The following ZC3H18 variants were observed in gnomAD, a reference collection of about 807,000 sequenced individuals.
The protein encoded by ZC3H18 is zinc finger CCCH domain-containing protein 18.
A neutral mutation model predicts 106.1 loss-of-function variants in ZC3H18; 8 were observed. The observed-to-expected ratio is 0.08, with a 90% confidence interval of 0.04 to 0.14. The LOEUF (loss-of-function observed/expected upper bound fraction) is 0.14. Among genes scored for constraint, ZC3H18 ranks in the 10% least tolerant of loss-of-function variants. The pLI is 1.00. For synonymous variants in ZC3H18, 635 were observed against 522.1 expected, an observed-to-expected ratio of 1.22 and a Z score of -2.95; for missense variants, 1,318 against 1,278.4, an observed-to-expected ratio of 1.03 and a Z score of -0.47.
intron 3 of ZC3H18, among the ~76,000 whole-genome samples, chr16:88,589,170 T>G (rs1404836212): frequency 6.6e-6 from 1 of 152,146 alleles, no homozygotes; most frequent in Non-Finnish European, 1.5e-5. Flanking sequence ...CAAAATGAAG[T>G]TTGTTGTGTT....
chr16:88,614,988 A>C (rs1250225119), intron 8 of ZC3H18, among the ~76,000 whole-genome samples: 1 of 140,728 alleles, frequency 7.1e-6, no homozygotes, highest in African/African-American at 2.7e-5. Context: ...CTCTGCCCAG[A>C]TGGGCTGCCC....
intron 2 of ZC3H18, 42 bp downstream of exon 2, chr16:88,577,768 G>T (rs200026022): frequency 5.1e-5 from 83 of 1,611,806 alleles, no homozygotes; most frequent in Non-Finnish European, 6.9e-5. Flanking sequence ...ATCCTGCCCA[G>T]CAGCCTGACA....
chr16:88,573,517 G>A (rs1433655156), intron 1 of ZC3H18, among the ~76,000 whole-genome samples: 1 of 152,096 alleles, frequency 6.6e-6, no homozygotes, highest in East Asian at 1.9e-4. Flanking sequence ...AAGCGCCCCT[G>A]TGATACTGTT....
chr16:88,585,521 C>A (rs1246100121), intron 2 of ZC3H18, among the ~76,000 whole-genome samples: 1 of 152,206 alleles, frequency 6.6e-6, no homozygotes, highest in Admixed American at 6.5e-5. Flanking sequence ...GGCTGCAACA[C>A]CTGCAGGGCT....
chr16:88,625,504 G>T, intron 13 of ZC3H18: 1 of 556,304 alleles, frequency 1.8e-6, no homozygotes, highest in Non-Finnish European at 3.2e-6. Flanking sequence ...AAACTCGGGG[G>T]CACTCAGGTC....
intron 2 of ZC3H18, among the ~76,000 whole-genome samples, chr16:88,584,973 A>G (rs1041878620): frequency 1.3e-5 from 2 of 152,246 alleles, no homozygotes; most frequent in African/African-American, 2.4e-5. Flanking sequence ...CATGGGAACA[A>G]AGAATGTGTT....
intron 6 of ZC3H18, among the ~76,000 whole-genome samples, chr16:88,606,966 C>A (rs929273501): frequency 2.6e-5 from 4 of 152,262 alleles, no homozygotes; most frequent in Admixed American, 6.5e-5. Flanking sequence ...CTGAGACATA[C>A]CCTGGAGGGG....
chr16:88,592,527 G>T (rs1014566949), intron 3 of ZC3H18, among the ~76,000 whole-genome samples: 1 of 152,098 alleles, frequency 6.6e-6, no homozygotes, highest in African/African-American at 2.4e-5. Flanking sequence ...AGGCTGGAGT[G>T]CAATGGCGTG....
intron 6 of ZC3H18, among the ~76,000 whole-genome samples, chr16:88,605,555 A>T (rs1354077274): frequency 6.6e-6 from 1 of 152,274 alleles, no homozygotes; most frequent in Non-Finnish European, 1.5e-5. Context: ...TTTGCAGAGC[A>T]CAGCCTCCCT....
rs747511660 is a variant in ZC3H18, at chr16:88,577,423, G to A, written c.300G>A (p.Glu100=). The part of the protein sequence containing the change: ...RGPTSSPCEE[E]GDEGEEDRTS... ...CGACCAGCTCCCCCTGCGAGGAGGA[G>A]GGGGACGAAGGGGAGGAAGACCGGA... The change falls in exon 2 of 18, where the codon GAG becomes GAA. Residue 100 remains glutamate (E), a synonymous_variant. Coordinates refer to ENST00000301011, the MANE Select transcript of ZC3H18 (RefSeq NM_144604.4). 1.2e-5 allele frequency: 19 copies of A among 1,605,554 alleles called. No homozygotes were observed. The highest frequency in any genetic ancestry group is 1.5e-5 in the Non-Finnish European group (18 of 1,174,888).
chr16:88,584,471 G>A (rs1490904162), intron 2 of ZC3H18, among the ~76,000 whole-genome samples: 1 of 151,340 alleles, frequency 6.6e-6, no homozygotes, highest in African/African-American at 2.4e-5. Context: ...AAAGACCATT[G>A]TGCTAAATGG....
intron 5 of ZC3H18, among the ~76,000 whole-genome samples, chr16:88,599,390 C>T (rs897600620): frequency 1.3e-5 from 2 of 152,206 alleles, no homozygotes; most frequent in Admixed American, 6.5e-5. Context: ...TCCTCATTTT[C>T]CTGGTCAGCC....
chr16:88,608,180 G>A (rs755789115), intron 6 of ZC3H18, among the ~76,000 whole-genome samples: 14 of 152,136 alleles, frequency 9.2e-5, no homozygotes, highest in Non-Finnish European at 1.8e-4. Context: ...GTGTTCTTGT[G>A]CCTCTAGTGG....
At chr16:88,576,916 C>T (rs1040300385) in intron 1 of ZC3H18, among the ~76,000 whole-genome samples, 194 bp from the exon 2 acceptor site, 2 of 152,216 alleles carry the variant, frequency 1.3e-5, no homozygotes, top group African/African-American at 2.4e-5. Context: ...TAACACCCAG[C>T]TTAGCTGAGC....
At chr16:88,574,961 C>T (rs1914653350) in intron 1 of ZC3H18, among the ~76,000 whole-genome samples, 2 of 151,480 alleles carry the variant, frequency 1.3e-5, no homozygotes, top group African/African-American at 4.8e-5. Flanking sequence ...TCCCGAGTAG[C>T]TGGGAACACA....
At chr16:88,572,485 A>G (rs1213906695) in intron 1 of ZC3H18, among the ~76,000 whole-genome samples, 1 of 151,922 alleles carries the variant, frequency 6.6e-6, no homozygotes, top group East Asian at 1.9e-4. Flanking sequence ...AATATCTATC[A>G]AGTATCATCT....
chr16:88,619,035 T>A lies in ZC3H18; in HGVS notation c.1476-3162T>A, dbSNP rs74717662. Among the ~76,000 whole-genome samples the A allele has an allele frequency of 5.7e-3, 863 of 152,276 alleles. 12 individuals carry two copies. The highest frequency in any genetic ancestry group is 0.02 in the African/African-American group (834 of 41,544). ...TTCCAAGTCTAATCAGGATGTCCCCTGGGGTGACATTCTTTGCTGAGAGAA... is the reference window on the plus strand; with the variant it reads ...TTCCAAGTCTAATCAGGATGTCCCCAGGGGTGACATTCTTTGCTGAGAGAA... On this transcript the variant is annotated intron_variant, in intron 8 of 17. Transcript: ENST00000301011.
At chr16:88,614,249 G>A (rs907560291) in intron 8 of ZC3H18, among the ~76,000 whole-genome samples, 2 of 152,254 alleles carry the variant, frequency 1.3e-5, no homozygotes, top group Non-Finnish European at 2.9e-5. Flanking sequence ...ACACTTGGAG[G>A]GGCCACAGTT....
intron 7 of ZC3H18, among the ~76,000 whole-genome samples, chr16:88,609,834 C>T (rs1378793381): frequency 6.6e-6 from 1 of 152,220 alleles, no homozygotes; most frequent in Non-Finnish European, 1.5e-5. Context: ...CTTCCGATCT[C>T]AGGTGATCTG....
Sources: gnomAD v4.1 joint callset for allele counts (sites outside exome capture counted in the v4.1 genomes callset) on GRCh38, gnomAD v4.1.1 for gene constraint, MANE v1.5 for transcripts, NCBI Gene and HGNC (gene_info 2026-07-23, HGNC 2026-07-21) for gene names.